Variants in MMP21 observed in about 807,000 individuals in gnomAD.
MMP21 encodes matrix metalloproteinase-21.
Under a neutral mutation model 47.8 loss-of-function variants are expected in MMP21, and 40 were observed. That is an observed-to-expected ratio of 0.84 (90% CI 0.65 to 1.09). The LOEUF (loss-of-function observed/expected upper bound fraction) is 1.09, where lower values mean the gene tolerates loss of function less well. MMP21 is among the 50% of genes least tolerant of loss of function. The probability of loss-of-function intolerance (pLI) is 0.00; values close to 1 mark genes in which losing one functional copy is unlikely to be tolerated. For synonymous variants in MMP21, 341 were observed against 318.0 expected (o/e 1.07, Z -0.77); for missense variants, 747 against 775.3 (o/e 0.96, Z 0.43).
chr10:125,772,353 CGGCCACCTAG>C lies in MMP21; in HGVS notation c.838-4_843del. ...CCCAGGACATGGCCAATTTCATGGA[CGGCCACCTAG>C]AAGGGGACACACACCATGGGTGCTG... On this transcript the variant is annotated splice_acceptor_variant and splice_polypyrimidine_tract_variant and coding_sequence_variant and intron_variant, in exon 4 of 7. Coordinates refer to ENST00000368808, the MANE Select transcript of MMP21 (RefSeq NM_147191.1). LOFTEE classifies it high-confidence loss of function. The surrounding 1 kb of genome is among the most constrained non-coding windows in gnomAD (Gnocchi z 5.6). 1.2e-6 allele frequency: 2 copies of C among 1,613,974 alleles called. No homozygotes were observed. The highest frequency in any genetic ancestry group is 1.7e-6 in the Non-Finnish European group (2 of 1,179,992).
intron 4 of MMP21, 99 bp from the exon 5 acceptor site, chr10:125,770,690 C>T (rs1306675361): frequency 1.4e-6 from 2 of 1,379,486 alleles, no homozygotes; most frequent in Non-Finnish European, 2.0e-6. Flanking sequence ...AAAGCTGGGG[C>T]TTTCTATAAA....
Position 125,774,086 on chromosome 10 carries a change from C to T in MMP21, c.442G>A (p.Ala148Thr). ...PRARSRRSPR[A>T]PLSLSRRGWQ... ...CCCCGCCGGGACAAGGACAGCGGCG[C>T]CCGCGGGGAGCGCCTGGAGCGGGCT... The change falls in exon 2 of 7, where the codon GCG becomes ACG. Residue 148 changes from alanine to threonine, a missense_variant. Physicochemically the swap from Ala to Thr is moderately conservative, Grantham distance 58. Coordinates refer to ENST00000368808, the MANE Select transcript of MMP21 (RefSeq NM_147191.1). 7.3e-7 allele frequency: 1 copy of T among 1,374,566 alleles called. No homozygotes were observed. The highest frequency in any genetic ancestry group is 9.3e-7 in the Non-Finnish European group (1 of 1,069,786). 85.1% of individuals were successfully genotyped at this position (1,374,566 alleles called of 1,614,324 possible). A position where few individuals can be genotyped will look rare whatever the true frequency, so the allele number is the denominator to read the frequency against.
At chr10:125,769,716 G>C (rs1411714855) in intron 5 of MMP21, among the ~76,000 whole-genome samples, 3 of 152,210 alleles carry the variant, frequency 2.0e-5, no homozygotes, top group Admixed American at 6.5e-5. Context: ...TCTGTTGCTA[G>C]ATGTCCAAGG....
chr10:125,774,039 G>C lies in MMP21; in HGVS notation c.489C>G (p.Pro163=), dbSNP rs539857533. The C allele has an allele frequency of 7.4e-6, 11 of 1,486,654 alleles. No homozygotes were observed. The East Asian group carries it at 3.1e-4, about 42-fold the overall frequency. The allele number at this position is 1,486,654 out of a possible 1,614,324, so 92.1% of individuals were successfully genotyped here. The change falls in exon 2 of 7, where the codon CCC becomes CCG. Residue 163 remains proline, a synonymous_variant. Transcript: ENST00000368808. Reference sequence around the variant, plus strand: ...AGAAGGCCTGGGCAGCTCCGCCGTCGGGGTAGCCCCGGGGCTGCCAACCCC... The same window carrying C: ...AGAAGGCCTGGGCAGCTCCGCCGTCCGGGTAGCCCCGGGGCTGCCAACCCC... ...SRRGWQPRGY[P]DGGAAQAFSK...
At chr10:125,769,150 G>T (rs1361710887) in intron 5 of MMP21, among the ~76,000 whole-genome samples, 1 of 152,158 alleles carries the variant, frequency 6.6e-6, no homozygotes, top group Non-Finnish European at 1.5e-5. Flanking sequence ...GTGCTGTCTG[G>T]TTTTGCAAAG....
rs752781952 is a variant in MMP21, at chr10:125,775,709, G to C, written c.113C>G (p.Pro38Arg). 2.5e-6 allele frequency: 4 copies of C among 1,613,490 alleles called. No homozygotes were observed. Among genetic ancestry groups the C allele is most frequent in the Non-Finnish European group, 3.4e-6 (4 of 1,179,668 alleles). Reference protein sequence around the residue: ...FHSRDRSDLEPSPLRQAKPIA... With the variant: ...FHSRDRSDLERSPLRQAKPIA... ...GGGCTTGGCCTGGCGCAGTGGGGAC[G>C]GCTCCAGGTCCGAGCGGTCCCGGCT... Residue 38 changes from proline (P) to arginine (R), a missense_variant, in exon 1 of 7, where the codon CCG becomes CGG. By Grantham distance (103) the Pro-to-Arg change is moderately radical. Coordinates refer to ENST00000368808, the MANE Select transcript of MMP21 (RefSeq NM_147191.1).
Position 125,766,557 on chromosome 10 carries a change from T to G in MMP21, c.*105A>C. Reference sequence around the variant, plus strand: ...AAGGCTTTTCCCATTGGGTTTTAACTTACAGTGCCATATTTTCTTCAGCTA... The same window carrying G: ...AAGGCTTTTCCCATTGGGTTTTAACGTACAGTGCCATATTTTCTTCAGCTA... On this transcript the variant is annotated 3_prime_UTR_variant, in exon 7 of 7. Transcript: ENST00000368808. The G allele has an allele frequency of 3.3e-6, 3 of 910,338 alleles. No individual in the cohort carries two copies. Among genetic ancestry groups the G allele is most frequent in the South Asian group, 4.1e-5 (2 of 48,696 alleles). 56.4% of individuals were successfully genotyped at this position (910,338 alleles called of 1,614,324 possible).
In MMP21 at chr10:125,770,320, T is replaced by C. The variant is rs1850431565; in HGVS notation, c.1237+14A>G. 2 of 1,613,484 alleles carry C rather than the reference T, an allele frequency of 1.2e-6. No individual in the cohort carries two copies. Among genetic ancestry groups the C allele is most frequent in the Non-Finnish European group, 1.7e-6 (2 of 1,179,672 alleles). On this transcript the variant is annotated intron_variant, in intron 5 of 6. Transcript: ENST00000368808. ...TTAATGAGAGAAATAGAACCATCCATGAAGAATCTGTACCTTGAAAAAAAT... is the reference window on the plus strand; with the variant it reads ...TTAATGAGAGAAATAGAACCATCCACGAAGAATCTGTACCTTGAAAAAAAT...
rs763466682 is a variant in MMP21, at chr10:125,775,799, CG to C, written c.22del (p.Arg8ValfsTer102). On this transcript the variant is annotated frameshift_variant, in exon 1 of 7. Transcript: ENST00000368808. LOFTEE classifies it high-confidence loss of function. MLAASIF[R>X]PTLLLCWLAA... ...CAGCCAGCAGAGCAGCAGTGTCGGA[CG>C]GAAGATGGAGGCGGCGAGCATTGGC... 6.2e-7 allele frequency: 1 copy of C among 1,611,228 alleles called. No individual in the cohort carries two copies. Among genetic ancestry groups the C allele is most frequent in the African/African-American group, 1.3e-5 (1 of 74,944 alleles).
chr10:125,766,984 T>C (rs760792916), intron 6 of MMP21, 23 bp from the exon 7 acceptor site: 1 of 1,525,666 alleles, frequency 6.6e-7, no homozygotes, highest in East Asian at 2.3e-5. Flanking sequence ...TAAGATAGAC[T>C]GGCTCTTCTG....
chr10:125,772,117 T>C lies in MMP21; in HGVS notation c.979+101A>G, dbSNP rs931605382. On this transcript the variant is annotated intron_variant, in intron 4 of 6. Coordinates refer to ENST00000368808, the MANE Select transcript of MMP21 (RefSeq NM_147191.1). This position sits in a 1 kb window ranked among gnomAD's most constrained non-coding sequence, Gnocchi z 5.6. ...TGACATGAGTTGTACAACGTTGCGC[T>C]CTTAGGCCCAGTTTCCCAGTGAGGA... 1 of 1,415,898 alleles carries C rather than the reference T, an allele frequency of 7.1e-7. No homozygotes were observed. The highest frequency in any genetic ancestry group is 1.4e-5 in the African/African-American group (1 of 70,962). The allele number at this position is 1,415,898 out of a possible 1,614,324, so 87.7% of individuals were successfully genotyped here. A position where few individuals can be genotyped will look rare whatever the true frequency, so the allele number is the denominator to read the frequency against.
At chr10:125,771,731 A>G (rs1850448188) in intron 4 of MMP21, among the ~76,000 whole-genome samples, 1 of 152,168 alleles carries the variant, frequency 6.6e-6, no homozygotes, top group Admixed American at 6.5e-5. Flanking sequence ...AAAGAGGAGG[A>G]CAGCTTTCTT....
chr10:125,769,372 AG>A (rs1278680359), intron 5 of MMP21, among the ~76,000 whole-genome samples: 15 of 152,224 alleles, frequency 9.9e-5, no homozygotes, highest in Non-Finnish European at 1.8e-4. Flanking sequence ...AGTGAAGTCC[AG>A]CCCCGACCCT....
chr10:125,767,900 A>G (rs531380770), intron 5 of MMP21, among the ~76,000 whole-genome samples, 196 bp from the exon 6 acceptor site: 62 of 152,164 alleles, frequency 4.1e-4, no homozygotes, highest in Middle Eastern at 3.4e-3. Flanking sequence ...CTTACATTTA[A>G]CCCAGGAAGT....
rs1253758538 is a variant in MMP21, at chr10:125,766,666, A to G, written c.1706T>C (p.Met569Thr). The G allele has an allele frequency of 1.9e-6, 3 of 1,593,376 alleles. No individual in the cohort carries two copies. The highest frequency in any genetic ancestry group is 2.2e-5 in the East Asian group (1 of 44,738). The change falls in exon 7 of 7, where the codon ATG becomes ACG. Residue 569 changes from methionine (M) to threonine (T), a missense_variant. Met to Thr is a moderately conservative substitution (Grantham distance 81). Transcript: ENST00000368808. ...TCCATTTCCTACTTTTTCTTATTAC[A>G]TGTTCAGTGTGGAGATATGGACGTC... ...VCDVHISTLN[M>T] is the part of the protein sequence containing the mutation.
chr10:125,767,999 G>A (rs1023320466), intron 5 of MMP21, among the ~76,000 whole-genome samples: 1 of 151,918 alleles, frequency 6.6e-6, no homozygotes, highest in African/African-American at 2.4e-5. Context: ...TCATCCTCCC[G>A]GCTCTCATCA....
Position 125,772,564 on chromosome 10 carries a change from T to C in MMP21, c.837+47A>G, listed in dbSNP as rs1309455699. On this transcript the variant is annotated intron_variant, in intron 3 of 6. Coordinates refer to ENST00000368808, the MANE Select transcript of MMP21 (RefSeq NM_147191.1). This position sits in a 1 kb window ranked among gnomAD's most constrained non-coding sequence, Gnocchi z 5.6. ...CTTGGACTTTTTGGACGTCAGCCCATGAGCACTGCTGGTGTCTTATCAACA... is the reference window on the plus strand; with the variant it reads ...CTTGGACTTTTTGGACGTCAGCCCACGAGCACTGCTGGTGTCTTATCAACA... 6.2e-7 allele frequency: 1 copy of C among 1,611,270 alleles called. No homozygotes were observed. Among genetic ancestry groups the C allele is most frequent in the Admixed American group, 1.7e-5 (1 of 59,976 alleles).
At position 125,766,678 on chromosome 10, in the gene MMP21, G is replaced by A. The variant is rs1313971488; in HGVS notation, c.1694C>T (p.Ser565Phe). 5.0e-6 allele frequency: 8 copies of A among 1,608,978 alleles called. No homozygotes were observed. Among genetic ancestry groups the A allele is most frequent in the Non-Finnish European group, 6.8e-6 (8 of 1,178,196 alleles). Reference protein sequence around the residue: ...KWFDVCDVHISTLNM With the variant: ...KWFDVCDVHIFTLNM ...TTTTTCTTATTACATGTTCAGTGTG[G>A]AGATATGGACGTCACAAACATCAAA... is the stretch of plus-strand genomic sequence containing the variant. Residue 565 changes from serine to phenylalanine, a missense_variant, in exon 7 of 7, where the codon TCC becomes TTC. Ser to Phe is a radical substitution (Grantham distance 155). Coordinates refer to ENST00000368808, the MANE Select transcript of MMP21 (RefSeq NM_147191.1).
chr10:125,774,161 G>A lies in MMP21; in HGVS notation c.367C>T (p.Arg123Cys), dbSNP rs1371843399. The A allele has an allele frequency of 3.4e-5, 43 of 1,274,268 alleles. No homozygotes were observed. Among genetic ancestry groups the A allele is most frequent in the Non-Finnish European group, 3.7e-5 (38 of 1,014,300 alleles). The allele number at this position is 1,274,268 out of a possible 1,614,324, so 78.9% of individuals were successfully genotyped here. A position where few individuals can be genotyped will look rare whatever the true frequency, so the allele number is the denominator to read the frequency against. Residue 123 changes from arginine to cysteine, a missense_variant, in exon 2 of 7, where the codon CGC (arginine) becomes TGC (cysteine). Coordinates refer to ENST00000368808, the MANE Select transcript of MMP21 (RefSeq NM_147191.1). ...NRPRCGVPDM[R>C]PPPPSAPPSP... ...GGCGGGGCGGAGGGGGGCGGTGGGC[G>A]CATGTCCGGGACCCCGCAGCGCGGC...
Sources: gnomAD v4.1 joint callset for allele counts (sites outside exome capture counted in the v4.1 genomes callset) on GRCh38, gnomAD v4.1.1 for gene constraint, Gnocchi (gnomAD v3.1) non-coding constraint, MANE v1.5 for transcripts, NCBI Gene and HGNC (gene_info 2026-07-23, HGNC 2026-07-21) for gene names.